PHLPP1: variants seen among roughly 807,000 people sequenced by gnomAD.
PHLPP1 encodes PH domain leucine-rich repeat-containing protein phosphatase 1.
PHLPP1 carries 42 observed loss-of-function variants against 117.2 expected under a neutral mutation model. The observed-to-expected ratio is 0.36, with a 90% CI of 0.28 to 0.46. The LOEUF (loss-of-function observed/expected upper bound fraction) is 0.46. Among genes scored for constraint, PHLPP1 ranks in the 20% least tolerant of loss-of-function variants. The pLI is 1.00. For missense variants in PHLPP1, 2,084 were observed against 2,241.9 expected, an observed-to-expected ratio of 0.93 and a Z score of 1.42; for synonymous variants, 1,042 against 970.7, an observed-to-expected ratio of 1.07 and a Z score of -1.37.
At chr18:62,775,555 G>A (rs1028693081) in intron 1 of PHLPP1, among the ~76,000 whole-genome samples, 7 of 152,048 alleles carry the variant, frequency 4.6e-5, no homozygotes. Context: ...GGCTTTCTTG[G>A]CATTACCACA....
chr18:62,972,396 G>A, intron 14 of PHLPP1, 118 bp from the exon 15 acceptor site: 1 of 871,134 alleles, frequency 1.1e-6, no homozygotes. Context: ...CCCTTAATCT[G>A]TCTGGAGTCA....
chr18:62,718,089 A>G (rs757745213), intron 1 of PHLPP1, among the ~76,000 whole-genome samples: 17 of 152,148 alleles, frequency 1.1e-4, no homozygotes, highest in Non-Finnish European at 2.4e-4. Context: ...TGACCCATGT[A>G]ATGTTTCTCT....
intron 6 of PHLPP1, among the ~76,000 whole-genome samples, chr18:62,900,208 A>G (rs1217107632): frequency 1.3e-5 from 2 of 151,820 alleles, no homozygotes; most frequent in Non-Finnish European, 2.9e-5. Flanking sequence ...AAGGCAGGAG[A>G]CTTGTTTGAA....
At chr18:62,901,897 G>C (rs917711604) in intron 6 of PHLPP1, among the ~76,000 whole-genome samples, 5 of 151,998 alleles carry the variant, frequency 3.3e-5, no homozygotes, top group Admixed American at 2.6e-4. Flanking sequence ...CAAAGTGCTG[G>C]GATTACAGGT....
At chr18:62,755,803 G>A (rs937058357) in intron 1 of PHLPP1, among the ~76,000 whole-genome samples, 1 of 152,140 alleles carries the variant, frequency 6.6e-6, no homozygotes, top group African/African-American at 2.4e-5. Flanking sequence ...AAGATAGTTT[G>A]TATCTATTTT....
At chr18:62,803,577 A>G (rs1913848379) in intron 1 of PHLPP1, among the ~76,000 whole-genome samples, 3 of 152,212 alleles carry the variant, frequency 2.0e-5, no homozygotes, top group Non-Finnish European at 4.4e-5. Flanking sequence ...ACCACAGTTA[A>G]TACTACTACT....
Position 62,923,448 on chromosome 18 carries a change from G to A in PHLPP1, c.2960+3334G>A, listed in dbSNP as rs542270142. Among the ~76,000 whole-genome samples, 4 of 152,292 alleles carry A rather than the reference G, an allele frequency of 2.6e-5. 1 individual carries two copies. The highest frequency in any genetic ancestry group is 3.9e-4 in the East Asian group (2 of 5,190). On this transcript the variant is annotated intron_variant, in intron 10 of 16. Transcript: ENST00000262719. ...CCAGCATAGCATAGCAACTGATATAGTAGAATCAGAGAGAAAAGTTAAGAT... is the reference window on the plus strand; with the variant it reads ...CCAGCATAGCATAGCAACTGATATAATAGAATCAGAGAGAAAAGTTAAGAT...
chr18:62,923,143 T>C (rs1277470849), intron 10 of PHLPP1, among the ~76,000 whole-genome samples: 1 of 152,062 alleles, frequency 6.6e-6, no homozygotes, highest in East Asian at 1.9e-4. Context: ...CCCATACAAA[T>C]AGACTGACCT....
At chr18:62,955,720 G>A (rs903949014) in intron 12 of PHLPP1, among the ~76,000 whole-genome samples, 1 of 152,176 alleles carries the variant, frequency 6.6e-6, no homozygotes, top group Non-Finnish European at 1.5e-5. Flanking sequence ...GTTTATATCT[G>A]TAGAAAAAAT....
chr18:62,861,096 A>G (rs1915620860), intron 4 of PHLPP1, among the ~76,000 whole-genome samples: 1 of 152,158 alleles, frequency 6.6e-6, no homozygotes, highest in Admixed American at 6.6e-5. Context: ...CATGTTAAAT[A>G]AATAGAACCT....
At chr18:62,833,509 A>G (rs752519589) in intron 2 of PHLPP1, among the ~76,000 whole-genome samples, 2 of 152,200 alleles carry the variant, frequency 1.3e-5, no homozygotes, top group Non-Finnish European at 2.9e-5. Context: ...CTCTTTACAT[A>G]TATCTCATTG....
At chr18:62,926,607 T>TGAGA (rs764636606) in intron 10 of PHLPP1, among the ~76,000 whole-genome samples, 5 of 152,160 alleles carry the variant, frequency 3.3e-5, no homozygotes, top group Non-Finnish European at 5.9e-5. Flanking sequence ...ACCACGATGA[T>TGAGA]TCTCAACTCT....
chr18:62,959,387 A>T (rs2144476899), intron 13 of PHLPP1, among the ~76,000 whole-genome samples: 1 of 152,354 alleles, frequency 6.6e-6, no homozygotes, highest in Admixed American at 6.5e-5. Flanking sequence ...GAAGTTTTAT[A>T]GTATAATTCA....
chr18:62,783,225 T>C (rs1423241145), intron 1 of PHLPP1, among the ~76,000 whole-genome samples: 1 of 148,766 alleles, frequency 6.7e-6, no homozygotes, highest in Admixed American at 6.7e-5. Context: ...TTTCTTTTTT[T>C]TTTCTTTTTT....
intron 1 of PHLPP1, among the ~76,000 whole-genome samples, chr18:62,819,748 C>T (rs1328084864): frequency 3.9e-5 from 6 of 152,124 alleles, no homozygotes; most frequent in Non-Finnish European, 5.9e-5. Context: ...TGGGTTCAAG[C>T]GATTCTCCTG....
chr18:62,732,296 A>G (rs306226), intron 1 of PHLPP1, among the ~76,000 whole-genome samples: 4,881 of 152,286 alleles, frequency 0.032, 132 homozygotes, highest in Non-Finnish European at 0.052. Flanking sequence ...GCGGATGCTC[A>G]TTTACCATTT....
intron 1 of PHLPP1, among the ~76,000 whole-genome samples, chr18:62,727,705 A>C (rs1037129882): frequency 6.6e-6 from 1 of 151,986 alleles, no homozygotes; most frequent in African/African-American, 2.4e-5. Flanking sequence ...TAAAATCTAC[A>C]ATATGGAGTA....
intron 1 of PHLPP1, among the ~76,000 whole-genome samples, chr18:62,822,288 T>TTG (rs1568128096): frequency 6.3e-5 from 9 of 143,718 alleles, no homozygotes; most frequent in African/African-American, 2.3e-4. Context: ...TTGTTTTTGT[T>TTG]TTTTTTTTTT....
rs911689263 is a variant in PHLPP1, at chr18:62,956,430, A to G, written c.3325-2199A>G. Among the ~76,000 whole-genome samples, 19 of 152,314 alleles carry G rather than the reference A, an allele frequency of 1.2e-4. No individual in the cohort carries two copies. The East Asian group carries it at 2.3e-3, about 19-fold the overall frequency. ...CCCAAAGGCCCCACTTCTTAATACT[A>G]TCACGTTGGGGATTAAGTTTCAGCA... On this transcript the variant is annotated intron_variant, in intron 12 of 16. Coordinates refer to ENST00000262719, the MANE Select transcript of PHLPP1 (RefSeq NM_194449.4).
Sources: gnomAD v4.1 joint callset for allele counts (sites outside exome capture counted in the v4.1 genomes callset) on GRCh38, gnomAD v4.1.1 for gene constraint, MANE v1.5 for transcripts, NCBI Gene and HGNC (gene_info 2026-07-23, HGNC 2026-07-21) for gene names.